Variants in PLCH1 observed in about 807,000 individuals in gnomAD.
PLCH1 encodes 1-phosphatidylinositol 4,5-bisphosphate phosphodiesterase eta-1.
A neutral mutation model predicts 126.7 loss-of-function variants in PLCH1; 60 were observed. That is an observed-to-expected ratio of 0.47 (90% CI 0.38 to 0.59). The LOEUF (loss-of-function observed/expected upper bound fraction) is 0.59. PLCH1 is among the 20% of genes least tolerant of loss of function. The probability of loss-of-function intolerance (pLI) is 0.00; values close to 1 mark genes in which losing one functional copy is unlikely to be tolerated. For synonymous variants in PLCH1, 719 were observed against 734.9 expected (o/e 0.98, Z 0.35); for missense variants, 1,723 against 2,040.0 (o/e 0.84, Z 2.99).
chr3:155,560,358 G>A (rs1364338470), intron 8 of PLCH1, among the ~76,000 whole-genome samples: 1 of 152,130 alleles, frequency 6.6e-6, no homozygotes, highest in Non-Finnish European at 1.5e-5. Context: ...AGAGCAGAAT[G>A]TCACCTTGAG....
chr3:155,612,347 A>T (rs1735214637), intron 2 of PLCH1, among the ~76,000 whole-genome samples: 1 of 150,686 alleles, frequency 6.6e-6, no homozygotes, highest in Admixed American at 6.6e-5. Flanking sequence ...AAAAAAAAAG[A>T]AGAGGAAACT....
intron 20 of PLCH1, among the ~76,000 whole-genome samples, 195 bp downstream of exon 20, chr3:155,488,465 G>T (rs1715634442): frequency 6.6e-6 from 1 of 152,226 alleles, no homozygotes; most frequent in Admixed American, 6.5e-5. Context: ...CCAGAGTGCT[G>T]GGATTACAGG....
At chr3:155,628,466 T>C (rs1737626218) in intron 2 of PLCH1, among the ~76,000 whole-genome samples, 1 of 151,544 alleles carries the variant, frequency 6.6e-6, no homozygotes, top group East Asian at 1.9e-4. Flanking sequence ...TATTTGATCA[T>C]ATCCTTTTGC....
At position 155,622,400 on chromosome 3, in the gene PLCH1, C is replaced by A. The variant is rs559785796; in HGVS notation, c.80-26022G>T. Among the ~76,000 whole-genome samples, 8 of 152,286 alleles carry A rather than the reference C, an allele frequency of 5.3e-5. No homozygotes were observed. The South Asian group carries it at 6.2e-4, about 12-fold the overall frequency. Reference sequence around the variant, plus strand: ...AGCATTATGATGACAGGATCAAATTCACACATAACAATATTAACCTTAAAT... The same window carrying A: ...AGCATTATGATGACAGGATCAAATTAACACATAACAATATTAACCTTAAAT... On this transcript the variant is annotated intron_variant, in intron 2 of 22. Coordinates refer to ENST00000460012, the MANE Select transcript of PLCH1 (RefSeq NM_014996.4).
At chr3:155,732,758 G>A (rs1286424603) in intron 1 of PLCH1, among the ~76,000 whole-genome samples, 1 of 151,312 alleles carries the variant, frequency 6.6e-6, no homozygotes, top group Non-Finnish European at 1.5e-5. Flanking sequence ...CATGCCTGTA[G>A]TCCCAGCTAC....
At chr3:155,488,607 T>C in intron 20 of PLCH1, 53 bp downstream of exon 20, 1 of 1,453,300 alleles carries the variant, frequency 6.9e-7, no homozygotes, top group Middle Eastern at 1.8e-4. Context: ...TATTACGTCT[T>C]CCAAATAAAA....
intron 2 of PLCH1, among the ~76,000 whole-genome samples, chr3:155,671,332 T>C (rs1308507955): frequency 6.6e-6 from 1 of 152,196 alleles, no homozygotes; most frequent in Admixed American, 6.5e-5. Context: ...GATCCCAACA[T>C]TTGCTATAGA....
chr3:155,658,114 T>C, intron 2 of PLCH1: 1 of 217,942 alleles, frequency 4.6e-6, no homozygotes, highest in East Asian at 1.1e-4. Context: ...AATGCATAGA[T>C]ATTATCCTAC....
rs567892814 is a variant in PLCH1, at chr3:155,739,967, C to T, written c.-41+4873G>A. 1.8e-3 allele frequency among the ~76,000 whole-genome samples: 278 copies of T among 152,306 alleles called. 1 individual carries two copies. Among genetic ancestry groups the T allele is most frequent in the African/African-American group, 6.5e-3 (270 of 41,566 alleles). ...AACAATAAATAACCAGAAAAACTATCCCCCCTTATGGTAAATCCCAATCAT... is the reference window on the plus strand; with the variant it reads ...AACAATAAATAACCAGAAAAACTATTCCCCCTTATGGTAAATCCCAATCAT... On this transcript the variant is annotated intron_variant, in intron 1 of 22. Coordinates refer to ENST00000460012, the MANE Select transcript of PLCH1 (RefSeq NM_014996.4).
chr3:155,528,040 A>G (rs1051255809), intron 10 of PLCH1, among the ~76,000 whole-genome samples: 4 of 151,862 alleles, frequency 2.6e-5, no homozygotes, highest in African/African-American at 9.7e-5. Flanking sequence ...TCTGGGCAAC[A>G]TGGTGAAACC....
intron 2 of PLCH1, among the ~76,000 whole-genome samples, chr3:155,621,637 C>T (rs942159286): frequency 1.3e-5 from 2 of 151,914 alleles, no homozygotes; most frequent in Non-Finnish European, 2.9e-5. Context: ...ATAGCCGAAT[C>T]GATAAAGCAG....
chr3:155,706,906 C>A (rs1746719761), intron 1 of PLCH1, among the ~76,000 whole-genome samples: 1 of 152,126 alleles, frequency 6.6e-6, no homozygotes, highest in African/African-American at 2.4e-5. Flanking sequence ...ACCCAACAGC[C>A]AGCATCAGCC....
chr3:155,652,378 T>C (rs1377693724), intron 2 of PLCH1, among the ~76,000 whole-genome samples: 1 of 152,180 alleles, frequency 6.6e-6, no homozygotes, highest in Non-Finnish European at 1.5e-5. Flanking sequence ...CCACCAGAGT[T>C]CTCTAGAGTC....
intron 22 of PLCH1, 70 bp from the exon 23 acceptor site, chr3:155,483,121 T>C (rs1042107283): frequency 7.5e-7 from 1 of 1,339,622 alleles, no homozygotes; most frequent in Non-Finnish European, 1.0e-6. Context: ...ACTCATGTTG[T>C]CTTCGGACAG....
intron 21 of PLCH1, among the ~76,000 whole-genome samples, chr3:155,469,668 A>G (rs868708432): frequency 2.6e-5 from 4 of 152,052 alleles, no homozygotes; most frequent in Non-Finnish European, 4.4e-5. Flanking sequence ...GCAGACTTAA[A>G]TGTCCCTGTC....
intron 2 of PLCH1, among the ~76,000 whole-genome samples, chr3:155,602,795 CTATAAA>C (rs1733903682): frequency 6.6e-6 from 1 of 150,922 alleles, no homozygotes; most frequent in South Asian, 2.1e-4. Flanking sequence ...TGGCACATGA[CTATAAA>C]TATATAAACA....
chr3:155,497,244 A>G (rs1380627481), intron 15 of PLCH1, 76 bp downstream of exon 15: 1 of 1,094,654 alleles, frequency 9.1e-7, no homozygotes, highest in Non-Finnish European at 1.4e-6. Flanking sequence ...GGGATTAACA[A>G]AAATTCATTA....
intron 2 of PLCH1, among the ~76,000 whole-genome samples, chr3:155,652,074 G>T (rs752971602): frequency 6.6e-6 from 1 of 152,212 alleles, no homozygotes; most frequent in South Asian, 2.1e-4. Context: ...TCTGAAATGA[G>T]CAAGAGGACA....
intron 2 of PLCH1, among the ~76,000 whole-genome samples, chr3:155,624,338 CAA>C (rs1736958235): frequency 6.6e-6 from 1 of 152,130 alleles, no homozygotes; most frequent in African/African-American, 2.4e-5. Flanking sequence ...TGAAAACCAG[CAA>C]AAGACAAGGA....
Sources: allele counts gnomAD v4.1 joint callset (sites outside exome capture counted in the v4.1 genomes callset), GRCh38; gene constraint gnomAD v4.1.1; transcripts MANE v1.5; gene names NCBI Gene and HGNC (gene_info 2026-07-23, HGNC 2026-07-21).